PTPRK: variants seen among roughly 807,000 people sequenced by gnomAD.
The protein encoded by PTPRK is protein tyrosine phosphatase receptor type K, also known as receptor-type tyrosine-protein phosphatase kappa.
PTPRK carries 75 observed loss-of-function variants against 178.0 expected under a neutral mutation model. The observed-to-expected ratio is 0.42, with a 90% CI of 0.35 to 0.51. The LOEUF (loss-of-function observed/expected upper bound fraction) is 0.51. PTPRK is among the 20% of genes least tolerant of loss of function. PTPRK has a pLI of 0.02. For missense variants in PTPRK, 1,441 were observed against 1,797.8 expected, an observed-to-expected ratio of 0.80 and a Z score of 3.59; for synonymous variants, 637 against 620.6, an observed-to-expected ratio of 1.03 and a Z score of -0.39.
At chr6:128,351,709 T>C (rs1337081632) in intron 2 of PTPRK, among the ~76,000 whole-genome samples, 1 of 152,150 alleles carries the variant, frequency 6.6e-6, no homozygotes, top group Non-Finnish European at 1.5e-5. Flanking sequence ...GCAATGAAAC[T>C]TACATGAAAC....
At position 127,976,660 on chromosome 6, in the gene PTPRK, T is replaced by A; in HGVS notation, c.3966A>T (p.Thr1322=). 6.2e-7 allele frequency: 1 copy of A among 1,614,088 alleles called. No homozygotes were observed. The highest frequency in any genetic ancestry group is 1.1e-5 in the South Asian group (1 of 91,074). ...AAAGGATCCGATAGTGACTTACTCT[T>A]GTTAGATTGCATATCCTAAAAATCC... The part of the protein sequence containing the change: ...INRIFRICNL[T]RPQEGYLMVQ... The change falls in exon 27 of 30, where the codon ACA becomes ACT. Residue 1322 remains threonine, a synonymous_variant. Transcript: ENST00000368226.
intron 13 of PTPRK, among the ~76,000 whole-genome samples, chr6:128,047,632 T>C (rs555874451): frequency 6.6e-6 from 1 of 152,208 alleles, no homozygotes; most frequent in Non-Finnish European, 1.5e-5. Flanking sequence ...TTCACTATTT[T>C]AAAAATATCA....
intron 2 of PTPRK, among the ~76,000 whole-genome samples, chr6:128,363,494 C>T (rs987422677): frequency 3.3e-5 from 5 of 152,146 alleles, no homozygotes; most frequent in Non-Finnish European, 7.4e-5. Context: ...ACTTGAATAC[C>T]TTTCAAAATC....
intron 7 of PTPRK, among the ~76,000 whole-genome samples, chr6:128,104,049 G>A (rs1789250410): frequency 6.6e-6 from 1 of 152,098 alleles, no homozygotes; most frequent in African/African-American, 2.4e-5. Context: ...TCTCTGCCTA[G>A]AATGTTATTC....
In PTPRK at chr6:128,252,232, C is replaced by T. The variant is rs147416974; in HGVS notation, c.496-9630G>A. Among the ~76,000 whole-genome samples, 23 of 152,294 alleles carry T rather than the reference C, an allele frequency of 1.5e-4. No individual in the cohort carries two copies. The East Asian group carries it at 4.2e-3, about 28-fold the overall frequency. On this transcript the variant is annotated intron_variant, in intron 3 of 29. Transcript: ENST00000368226. ...GTTTCAAATTAGCCCAGGGAGTTGG[C>T]TATCCCTAATGTAATCACTAAAAGT...
At chr6:128,139,820 T>C (rs1275002301) in intron 7 of PTPRK, among the ~76,000 whole-genome samples, 2 of 152,044 alleles carry the variant, frequency 1.3e-5, no homozygotes, top group Non-Finnish European at 2.9e-5. Context: ...TGCTGTCAGA[T>C]ACTAATAACT....
chr6:128,502,046 C>T (rs886176568), intron 1 of PTPRK, among the ~76,000 whole-genome samples: 2 of 152,068 alleles, frequency 1.3e-5, no homozygotes, highest in African/African-American at 4.8e-5. Flanking sequence ...TCTTGTGAGC[C>T]ACGGGAGGTT....
intron 2 of PTPRK, among the ~76,000 whole-genome samples, chr6:128,356,045 C>A (rs1256637740): frequency 1.3e-5 from 2 of 152,154 alleles, no homozygotes; most frequent in Non-Finnish European, 2.9e-5. Flanking sequence ...ATATATTTAA[C>A]TTAGTCAAAT....
chr6:128,281,821 A>C (rs1467932507), intron 3 of PTPRK, among the ~76,000 whole-genome samples: 2 of 152,176 alleles, frequency 1.3e-5, no homozygotes, highest in African/African-American at 4.8e-5. Flanking sequence ...ACTTATACAC[A>C]AACTCAAGTT....
chr6:127,985,699 T>A (rs1306519788), intron 22 of PTPRK, 22 bp downstream of exon 22: 1 of 1,597,208 alleles, frequency 6.3e-7, no homozygotes, highest in Admixed American at 1.7e-5. Flanking sequence ...ATACAGTCAA[T>A]ACCATTTGGA....
chr6:128,001,161 G>T, intron 15 of PTPRK: 1 of 1,464,782 alleles, frequency 6.8e-7, no homozygotes, highest in South Asian at 1.3e-5. Context: ...ATCCTTGATT[G>T]AAAGGTTTTC....
chr6:128,198,241 T>C (rs1297975352), intron 6 of PTPRK, among the ~76,000 whole-genome samples: 1 of 152,144 alleles, frequency 6.6e-6, no homozygotes, highest in African/African-American at 2.4e-5. Context: ...GAAAGTAAAC[T>C]TCTGAGAAAG....
intron 7 of PTPRK, among the ~76,000 whole-genome samples, chr6:128,098,034 T>C (rs1470863306): frequency 6.6e-6 from 1 of 152,156 alleles, no homozygotes; most frequent in Non-Finnish European, 1.5e-5. Context: ...TAAAAGAAGA[T>C]AAATTACCTA....
chr6:127,985,989 A>T lies in PTPRK; in HGVS notation c.3097-114T>A, dbSNP rs75405851. 0.014 allele frequency: 14,583 copies of T among 1,015,788 alleles called. 1,399 individuals carry two copies. The African/African-American group carries it at 0.21, about 15-fold the overall frequency. 62.9% of individuals were successfully genotyped at this position (1,015,788 alleles called of 1,614,324 possible). On this transcript the variant is annotated intron_variant, in intron 21 of 29. Coordinates refer to ENST00000368226, the MANE Select transcript of PTPRK (RefSeq NM_002844.4). ...TGACAATGATAACAATAAAACCTTTACGAAAGACTATGCCTTTTCTTAAAA... is the reference window on the plus strand; with the variant it reads ...TGACAATGATAACAATAAAACCTTTTCGAAAGACTATGCCTTTTCTTAAAA...
chr6:128,479,152 A>G (rs1745895180), intron 1 of PTPRK, among the ~76,000 whole-genome samples: 1 of 152,136 alleles, frequency 6.6e-6, no homozygotes, highest in Admixed American at 6.6e-5. Flanking sequence ...GTCCTGCCAC[A>G]AAGTTTATGG....
chr6:128,125,496 G>A (rs1793189053), intron 7 of PTPRK, among the ~76,000 whole-genome samples: 1 of 151,904 alleles, frequency 6.6e-6, no homozygotes, highest in Non-Finnish European at 1.5e-5. Context: ...TACAGCCTGT[G>A]GAACTGGGAG....
intron 5 of PTPRK, among the ~76,000 whole-genome samples, chr6:128,236,160 A>C (rs1456666276): frequency 6.6e-6 from 1 of 152,054 alleles, no homozygotes; most frequent in African/African-American, 2.4e-5. Flanking sequence ...CTACTACAAA[A>C]TTAAAATGGC....
At chr6:128,017,833 T>TA (rs1779790519) in intron 13 of PTPRK, among the ~76,000 whole-genome samples, 2 of 137,310 alleles carry the variant, frequency 1.5e-5, no homozygotes, top group African/African-American at 5.5e-5. Flanking sequence ...TATATATATA[T>TA]TTGGCAGAAT....
chr6:128,289,488 T>A (rs1397187615), intron 3 of PTPRK, among the ~76,000 whole-genome samples: 2 of 152,164 alleles, frequency 1.3e-5, no homozygotes, highest in African/African-American at 4.8e-5. Context: ...CAAATTTCTT[T>A]AACAATGTAT....
Sources: gnomAD v4.1 joint callset for allele counts (sites outside exome capture counted in the v4.1 genomes callset) on GRCh38, gnomAD v4.1.1 for gene constraint, MANE v1.5 for transcripts, NCBI Gene and HGNC (gene_info 2026-07-23, HGNC 2026-07-21) for gene names.